TTC19: variants seen among roughly 807,000 people sequenced by gnomAD.
TTC19 encodes tetratricopeptide repeat domain 19.
Under a neutral mutation model 49.5 loss-of-function variants are expected in TTC19, and 38 were observed. The ratio of observed to expected loss-of-function variants is 0.77; its 90% CI spans 0.59 to 1.01. The LOEUF is 1.01. Among genes scored for constraint, TTC19 ranks in the 50% least tolerant of loss-of-function variants. TTC19 has a pLI of 0.00. For synonymous variants in TTC19, 204 were observed against 185.2 expected (o/e 1.10, Z -0.83); for missense variants, 475 against 477.7 (o/e 0.99, Z 0.05).
chr17:16,024,881 G>T, intron 7 of TTC19, 136 bp from the exon 8 acceptor site: 1 of 801,356 alleles, frequency 1.2e-6, no homozygotes. Context: ...AGCTAGTCTG[G>T]AATAGGTCAT....
Position 15,999,843 on chromosome 17 carries a change from G to C in TTC19, c.-6G>C. The C allele has an allele frequency of 6.5e-7, 1 of 1,527,788 alleles. No homozygotes were observed. The highest frequency in any genetic ancestry group is 8.7e-7 in the Non-Finnish European group (1 of 1,145,652). 94.6% of individuals were successfully genotyped at this position (1,527,788 alleles called of 1,614,324 possible). A position where few individuals can be genotyped will look rare whatever the true frequency, so the allele number is the denominator to read the frequency against. On this transcript the variant is annotated 5_prime_UTR_variant, in exon 1 of 10. Coordinates refer to ENST00000261647, the MANE Select transcript of TTC19 (RefSeq NM_017775.4). The stretch of plus-strand genomic sequence containing the variant: ...GCCTGCAGTGCGCAGAGGACGCGGC[G>C]GGAGCATGTTCCGGCTCCTGAGCTG...
chr17:16,000,211 A>T lies in TTC19; in HGVS notation c.278A>T (p.Glu93Val). ...GCCGAGGACGGGGCGGACGAGGCCGAGGCAGAGATCATCCAGCTGCTGAAG... is the reference window on the plus strand; with the variant it reads ...GCCGAGGACGGGGCGGACGAGGCCGTGGCAGAGATCATCCAGCTGCTGAAG... ...AAAEDGADEAEAEIIQLLKRA... is the reference protein window; with the variant it reads ...AAAEDGADEAVAEIIQLLKRA... Residue 93 changes from glutamate to valine, a missense_variant, in exon 2 of 10, where the codon GAG becomes GTG. Coordinates refer to ENST00000261647, the MANE Select transcript of TTC19 (RefSeq NM_017775.4). The T allele has an allele frequency of 6.3e-7, 1 of 1,594,880 alleles. No individual in the cohort carries two copies. Among genetic ancestry groups the T allele is most frequent in the Non-Finnish European group, 8.5e-7 (1 of 1,179,030 alleles).
rs1971605086 is a variant in TTC19 at position 16,027,461 on chromosome 17, GGGAA to G, written c.1084_1087del (p.Glu362SerfsTer12). 9.3e-6 allele frequency: 15 copies of G among 1,613,984 alleles called. No homozygotes were observed. The highest frequency in any genetic ancestry group is 1.3e-5 in the Non-Finnish European group (15 of 1,179,988). ...GATGAAATTTCTGTACAACACATCA[GGGAA>G]GAGTTGGCTGAGCTGTCAAAGAAAA... On this transcript the variant is annotated frameshift_variant, in exon 10 of 10. Transcript: ENST00000261647. LOFTEE classifies it high-confidence loss of function.
chr17:16,025,644 C>T (rs529199425), intron 8 of TTC19, among the ~76,000 whole-genome samples: 10 of 152,306 alleles, frequency 6.6e-5, no homozygotes, highest in South Asian at 2.1e-4. Flanking sequence ...TTAAGTATAA[C>T]GTGTAAAGCT....
chr17:16,026,886 G>GT (rs1361090538), intron 9 of TTC19, 184 bp downstream of exon 9: 6 of 708,318 alleles, frequency 8.5e-6, no homozygotes, highest in Non-Finnish European at 1.5e-5. Context: ...TTCAATTCAC[G>GT]TAACTTCTAC....
exon 3 of TTC19, chr17:16,044,770 C>T: frequency 2.2e-6 from 2 of 928,426 alleles, no homozygotes. Flanking sequence ...TTGCAATGGC[C>T]CTGGCCAATG....
At chr17:16,032,498 A>AAT (rs1567604959), downstream of TTC19, 1 of 1,562,904 alleles carries the variant, frequency 6.4e-7, no homozygotes, top group Non-Finnish European at 8.6e-7. Flanking sequence ...CAAAAGAAAA[A>AAT]TTAGGTTTTC....
chr17:16,010,156 T>C (rs1415742302), intron 7 of TTC19, among the ~76,000 whole-genome samples: 1 of 148,682 alleles, frequency 6.7e-6, no homozygotes, highest in Non-Finnish European at 1.5e-5. Context: ...TTTTTTATTT[T>C]TTAATTTTTA....
chr17:16,040,897 A>T (rs2057435191), intron 2 of TTC19: 1 of 189,498 alleles, frequency 5.3e-6, no homozygotes, highest in Admixed American at 5.7e-5. Context: ...AAATAAAAAA[A>T]GAAGCAGTGT....
At chr17:16,023,301 A>C (rs1971440896) in intron 7 of TTC19, 1 of 152,230 alleles carries the variant, frequency 6.6e-6, no homozygotes, top group Non-Finnish European at 1.5e-5. Flanking sequence ...ATTCAGTGAT[A>C]ACAAGGGTAA....
At chr17:16,037,567 C>T (rs1419723776) in intron 2 of TTC19, among the ~76,000 whole-genome samples, 1 of 152,188 alleles carries the variant, frequency 6.6e-6, no homozygotes, top group Middle Eastern at 3.2e-3. Context: ...GCCTTCTTTA[C>T]TGGCCTCAGA....
downstream of TTC19, chr17:16,032,182 A>G: frequency 9.4e-7 from 1 of 1,065,338 alleles, no homozygotes; most frequent in Non-Finnish European, 1.3e-6. Context: ...GGCTCTCCTG[A>G]AAAGTCTCAG....
chr17:16,004,261 AG>A lies in TTC19; in HGVS notation c.581+1del, dbSNP rs1970827575. 1.2e-6 allele frequency: 2 copies of A among 1,614,040 alleles called. No individual in the cohort carries two copies. The highest frequency in any genetic ancestry group is 1.7e-5 in the Admixed American group (1 of 60,034). On this transcript the variant is annotated frameshift_variant and splice_region_variant, in exon 6 of 10. Transcript: ENST00000261647. LOFTEE classifies it high-confidence loss of function. ...KLASIYAAQN[R>X]QEFAVAGYEF... ...GGCCAGTATCTATGCTGCGCAGAAC[AG>A]GTAAGTACAGCAGCCAGGGAGTAGG...
rs59177775 is a variant in TTC19 at position 16,028,818 on chromosome 17, CAAAAAAAAAAAAAA to C, written c.*1311_*1324del. The C allele has an allele frequency of 7.7e-4, 76 of 98,980 alleles. 1 individual carries two copies. Among genetic ancestry groups the C allele is most frequent in the African/African-American group, 4.1e-3 (51 of 12,450 alleles). The allele number at this position is 98,980 out of a possible 1,614,324, so 6.1% of individuals were successfully genotyped here. On this transcript the variant is annotated 3_prime_UTR_variant, in exon 10 of 10. Coordinates refer to ENST00000261647, the MANE Select transcript of TTC19 (RefSeq NM_017775.4). ...GTATCCCAGTAATCTTTGCATTTCT[CAAAAAAAAAAAAAA>C]AAAAAAAAAAAAAACTTTCTGAAGA...
At position 16,001,851 on chromosome 17, in the gene TTC19, C is replaced by T. The variant is rs368095975; in HGVS notation, c.313-64C>T. The T allele has an allele frequency of 1.3e-5, 14 of 1,108,458 alleles. No homozygotes were observed. The East Asian group carries it at 1.4e-4, about 11-fold the overall frequency. 68.7% of individuals were successfully genotyped at this position (1,108,458 alleles called of 1,614,324 possible). A position where few individuals can be genotyped will look rare whatever the true frequency, so the allele number is the denominator to read the frequency against. On this transcript the variant is annotated intron_variant, in intron 2 of 9. Coordinates refer to ENST00000261647, the MANE Select transcript of TTC19 (RefSeq NM_017775.4). ...TTGGGATGTACAGTTGCATACACTTCTGTCTCTTAGCATATGCATCTACTA... is the reference window on the plus strand; with the variant it reads ...TTGGGATGTACAGTTGCATACACTTTTGTCTCTTAGCATATGCATCTACTA...
At chr17:16,019,680 T>C (rs151246249) in intron 7 of TTC19, among the ~76,000 whole-genome samples, 45 of 152,376 alleles carry the variant, frequency 3.0e-4, no homozygotes, top group Middle Eastern at 3.4e-3. Flanking sequence ...TAGTCCATTG[T>C]AGAAATATAC....
intron 7 of TTC19, among the ~76,000 whole-genome samples, chr17:16,022,787 A>G (rs1012067778): frequency 2.0e-5 from 3 of 152,188 alleles, no homozygotes; most frequent in Admixed American, 6.5e-5. Context: ...AAAAAATTCT[A>G]TAGTGAATCC....
chr17:16,002,714 CAAAAGGGAATTTT>C, intron 3 of TTC19, 66 bp from the exon 4 acceptor site: 1 of 1,413,556 alleles, frequency 7.1e-7, no homozygotes. Context: ...AGGGTGAAAG[CAAAAGGGAATTTT>C]AAAGTTTTGA....
chr17:16,031,222 GA>G, downstream of TTC19: 3 of 200,022 alleles, frequency 1.5e-5, no homozygotes, highest in East Asian at 1.5e-4. Context: ...TAGTGATGGG[GA>G]AAAAGGACTG....
Sources: allele counts gnomAD v4.1 joint callset (sites outside exome capture counted in the v4.1 genomes callset), GRCh38; gene constraint gnomAD v4.1.1; transcripts MANE v1.5; gene names NCBI Gene and HGNC (gene_info 2026-07-23, HGNC 2026-07-21).